COL11A1: variants seen among roughly 807,000 people sequenced by gnomAD.
COL11A1 encodes collagen type XI alpha 1 chain, also known as collagen alpha-1(XI) chain.
COL11A1 carries 74 observed loss-of-function variants against 265.2 expected under a neutral mutation model. The ratio of observed to expected loss-of-function variants is 0.28; its 90% CI spans 0.23 to 0.34. COL11A1 has a LOEUF of 0.34. Ranked by LOEUF, COL11A1 falls within the 10% of genes least tolerant of loss-of-function variation. The probability of loss-of-function intolerance (pLI) is 1.00; values close to 1 mark genes in which losing one functional copy is unlikely to be tolerated. For missense variants in COL11A1, 2,165 were observed against 2,263.6 expected (o/e 0.96, Z 0.88); for synonymous variants, 816 against 727.6 (o/e 1.12, Z -1.96).
At chr1:103,050,771 G>A (rs1669748442) in intron 4 of COL11A1, among the ~76,000 whole-genome samples, 1 of 152,136 alleles carries the variant, frequency 6.6e-6, no homozygotes, top group African/African-American at 2.4e-5. Flanking sequence ...ACGTACAGAT[G>A]GGTTTTTGGT....
At chr1:103,089,567 C>T (rs1165010394) in intron 1 of COL11A1, among the ~76,000 whole-genome samples, 1 of 152,174 alleles carries the variant, frequency 6.6e-6, no homozygotes, top group Non-Finnish European at 1.5e-5. Flanking sequence ...TCCCTTGATA[C>T]ACTGTAAACC....
At chr1:103,008,564 A>G in intron 14 of COL11A1, 48 bp from the exon 15 acceptor site, 1 of 1,493,968 alleles carries the variant, frequency 6.7e-7, no homozygotes. Context: ...CAATTTCCTA[A>G]CTACTTTTAT....
chr1:103,101,834 G>A (rs548816690), intron 1 of COL11A1, among the ~76,000 whole-genome samples: 11 of 151,698 alleles, frequency 7.3e-5, no homozygotes, highest in East Asian at 1.9e-4. Context: ...TTGTCAAGTC[G>A]TATTTAAGCT....
At chr1:103,098,426 A>C (rs564791597) in intron 1 of COL11A1, among the ~76,000 whole-genome samples, 13 of 152,030 alleles carry the variant, frequency 8.6e-5, no homozygotes, top group African/African-American at 3.1e-4. Flanking sequence ...ATTATCTATG[A>C]AACTTTATAA....
chr1:102,897,533 A>G (rs539803180), intron 57 of COL11A1, among the ~76,000 whole-genome samples: 1 of 152,186 alleles, frequency 6.6e-6, no homozygotes, highest in African/African-American at 2.4e-5. Context: ...CCAAATTTGT[A>G]TCAAGTATAG....
At chr1:102,966,770 A>T (rs141304910) in intron 37 of COL11A1, among the ~76,000 whole-genome samples, 22 of 152,266 alleles carry the variant, frequency 1.4e-4, no homozygotes, top group Non-Finnish European at 3.1e-4. Flanking sequence ...TTATCTCAAC[A>T]ACCTCCATCA....
At chr1:103,082,773 TAATAAC>T in intron 2 of COL11A1, 26 bp downstream of exon 2, 1 of 1,561,612 alleles carries the variant, frequency 6.4e-7, no homozygotes, top group Non-Finnish European at 8.8e-7. Context: ...CTTTTAGTAA[TAATAAC>T]AATAATAATA....
chr1:102,976,288 G>GTTTTTT (rs1557893410), intron 35 of COL11A1, among the ~76,000 whole-genome samples: 9 of 45,226 alleles, frequency 2.0e-4, no homozygotes, highest in Non-Finnish European at 4.7e-4. Flanking sequence ...GAAAACGTTG[G>GTTTTTT]CTTTTTTTTT....
chr1:103,002,097 C>T (rs902557185), intron 23 of COL11A1, 128 bp from the exon 24 acceptor site: 1 of 824,232 alleles, frequency 1.2e-6, no homozygotes, highest in Non-Finnish European at 2.0e-6. Flanking sequence ...CCCATACACC[C>T]CAAGGAATTT....
intron 63 of COL11A1, among the ~76,000 whole-genome samples, chr1:102,883,947 T>C (rs953606805): frequency 1.1e-4 from 16 of 152,222 alleles, no homozygotes; most frequent in Non-Finnish European, 2.2e-4. Flanking sequence ...ATGTGAATAA[T>C]CATCACCATT....
chr1:103,017,099 C>T (rs1236937626), intron 11 of COL11A1, among the ~76,000 whole-genome samples: 2 of 151,994 alleles, frequency 1.3e-5, no homozygotes. Context: ...CATGTAAGAA[C>T]TAACTTTATG....
At position 103,008,449 on chromosome 1, in the gene COL11A1, T is replaced by G. The variant is rs767633362; in HGVS notation, c.1683+14A>C. ...AGCCAGTCAAGAATAAAAAGTCAAA[T>G]TTTTATTTTTTACCTGAGGACCTGG... On this transcript the variant is annotated intron_variant, in intron 15 of 66. Coordinates refer to ENST00000370096, the MANE Select transcript of COL11A1 (RefSeq NM_001854.4). 6.2e-7 allele frequency: 1 copy of G among 1,612,370 alleles called. No individual in the cohort carries two copies.
intron 37 of COL11A1, among the ~76,000 whole-genome samples, chr1:102,966,915 A>G (rs1661451706): frequency 6.6e-6 from 1 of 152,112 alleles, no homozygotes; most frequent in South Asian, 2.1e-4. Flanking sequence ...CTCTCTCTTC[A>G]ACATTCCTAA....
chr1:103,044,134 TC>T (rs2102069472), intron 4 of COL11A1, among the ~76,000 whole-genome samples: 1 of 150,484 alleles, frequency 6.6e-6, no homozygotes, highest in Admixed American at 6.6e-5. Context: ...TACTTAGAAT[TC>T]TGAATTTGCC....
At position 103,022,751 on chromosome 1, in the gene COL11A1, T is replaced by C. The variant is rs780884506; in HGVS notation, c.1236A>G (p.Thr412=). 4 of 1,613,532 alleles carry C rather than the reference T, an allele frequency of 2.5e-6. No individual in the cohort carries two copies. The highest frequency in any genetic ancestry group is 3.4e-6 in the Non-Finnish European group (4 of 1,179,968). The change falls in exon 8 of 67, where the codon ACA becomes ACG. Residue 412 remains threonine (T), a synonymous_variant. Coordinates refer to ENST00000370096, the MANE Select transcript of COL11A1 (RefSeq NM_001854.4). ...CATAGTATCAACTTACGCTTGTTTC[T>C]GTAATATCAGTTTCTGCTGGTACAC... ...GPGVPAETDI[T]ETSINGHGAY...
intron 15 of COL11A1, among the ~76,000 whole-genome samples, chr1:103,006,654 C>T (rs1465785196): frequency 6.7e-6 from 1 of 150,046 alleles, no homozygotes; most frequent in Non-Finnish European, 1.5e-5. Flanking sequence ...TCTCCTGCCT[C>T]AGCCTCCCAA....
intron 46 of COL11A1, among the ~76,000 whole-genome samples, chr1:102,928,054 T>G (rs1656839685): frequency 6.6e-6 from 1 of 152,152 alleles, no homozygotes; most frequent in African/African-American, 2.4e-5. Context: ...TCTGAAGTAC[T>G]AACTTATCTT....
rs534439823 is a variant in COL11A1 at position 102,958,179 on chromosome 1, C to A, written c.3168+3687G>T. Reference sequence around the variant, plus strand: ...GAATTTTTAGAAGATGTTCTTATGCCTTTATTCCTTATGACTCAGAATTTT... The same window carrying A: ...GAATTTTTAGAAGATGTTCTTATGCATTTATTCCTTATGACTCAGAATTTT... On this transcript the variant is annotated intron_variant, in intron 41 of 66. Coordinates refer to ENST00000370096, the MANE Select transcript of COL11A1 (RefSeq NM_001854.4). Among the ~76,000 whole-genome samples the A allele has an allele frequency of 1.1e-4, 17 of 152,126 alleles. No individual in the cohort carries two copies. In the South Asian group the frequency reaches 3.3e-3, roughly 30 times the overall value.
intron 37 of COL11A1, among the ~76,000 whole-genome samples, chr1:102,968,338 C>A (rs1661640680): frequency 6.6e-6 from 1 of 152,082 alleles, no homozygotes; most frequent in African/African-American, 2.4e-5. Flanking sequence ...AATTTTAGGA[C>A]CAATACAGCA....
Sources: gnomAD v4.1 joint callset for allele counts (sites outside exome capture counted in the v4.1 genomes callset) on GRCh38, gnomAD v4.1.1 for gene constraint, MANE v1.5 for transcripts, NCBI Gene and HGNC (gene_info 2026-07-23, HGNC 2026-07-21) for gene names.